ABCA6: variants seen among roughly 807,000 people sequenced by gnomAD.
ABCA6 encodes the protein ATP binding cassette subfamily A member 6, also known as ATP-binding cassette sub-family A member 6.
Under a neutral mutation model 191.2 loss-of-function variants are expected in ABCA6, and 164 were observed. That is an observed-to-expected ratio of 0.86 (90% CI 0.76 to 0.98). ABCA6 has a LOEUF of 0.98. Ranked by LOEUF, ABCA6 falls within the 50% of genes least tolerant of loss-of-function variation. The pLI is 0.00. For missense variants in ABCA6, 1,958 were observed against 1,894.1 expected (o/e 1.03, Z -0.63); for synonymous variants, 636 against 647.7 (o/e 0.98, Z 0.27).
intron 23 of ABCA6, among the ~76,000 whole-genome samples, chr17:69,097,124 G>C (rs1190661051): frequency 6.6e-6 from 1 of 152,222 alleles, no homozygotes; most frequent in African/African-American, 2.4e-5. Context: ...CCAGCATGGT[G>C]GCTCACGCCT....
intron 11 of ABCA6, 110 bp downstream of exon 11, chr17:69,117,787 CT>C: frequency 2.8e-6 from 2 of 724,900 alleles, no homozygotes; most frequent in Non-Finnish European, 4.6e-6. Context: ...TATTTATATT[CT>C]TTTTTCTTTT....
intron 6 of ABCA6, 86 bp downstream of exon 6, chr17:69,133,555 C>A: frequency 1.9e-6 from 2 of 1,029,818 alleles, no homozygotes; most frequent in South Asian, 1.7e-5. Context: ...CAAGTTTAAA[C>A]CATGATGCTC....
chr17:69,115,008 G>T (rs1264696927), intron 12 of ABCA6, 71 bp from the exon 13 acceptor site: 3 of 1,167,056 alleles, frequency 2.6e-6, no homozygotes, highest in Non-Finnish European at 3.6e-6. Flanking sequence ...TCTCATTTAA[G>T]AAAATATTGG....
intron 10 of ABCA6, among the ~76,000 whole-genome samples, chr17:69,122,848 A>G (rs1049997469): frequency 1.3e-5 from 2 of 151,998 alleles, no homozygotes; most frequent in Non-Finnish European, 2.9e-5. Context: ...GTTCAAAGTG[A>G]CATTGACAAA....
intron 25 of ABCA6, 152 bp downstream of exon 25, chr17:69,096,088 A>T (rs2073038798): frequency 8.9e-6 from 3 of 338,218 alleles, no homozygotes; most frequent in Admixed American, 4.9e-5. Flanking sequence ...TTATTGATTC[A>T]GTAACAGTGT....
At chr17:69,140,004 G>A (rs1267363600) in intron 2 of ABCA6, among the ~76,000 whole-genome samples, 1 of 150,838 alleles carries the variant, frequency 6.6e-6, no homozygotes, top group Non-Finnish European at 1.5e-5. Flanking sequence ...GCTAAATGGC[G>A]AGTTAATGGG....
In ABCA6 at chr17:69,113,226, C is replaced by T; in HGVS notation, c.2037G>A (p.Leu679=). The T allele has an allele frequency of 6.2e-7, 1 of 1,601,198 alleles. No homozygotes were observed. The highest frequency in any genetic ancestry group is 8.5e-7 in the Non-Finnish European group (1 of 1,175,862). ...TGAGATAAAACCAACAATTACCAGC[C>T]AGGATGTCAGCCTCATCCATGGACT... ...STQSMDEADI[L]ADRKVIMSNG... The change falls in exon 15 of 39, where the codon CTG becomes CTA. Residue 679 remains leucine, a synonymous_variant. Transcript: ENST00000284425.
intron 6 of ABCA6, among the ~76,000 whole-genome samples, chr17:69,133,353 C>A (rs2073896992): frequency 6.6e-6 from 1 of 152,190 alleles, no homozygotes; most frequent in Non-Finnish European, 1.5e-5. Context: ...TCACATTGGG[C>A]AATTCTCTTA....
chr17:69,114,448 A>T (rs1598037412), intron 13 of ABCA6, among the ~76,000 whole-genome samples: 1 of 151,770 alleles, frequency 6.6e-6, no homozygotes, highest in Non-Finnish European at 1.5e-5. Context: ...TAGCATTAGG[A>T]GATATACCTA....
chr17:69,121,272 T>C (rs1379416251), intron 10 of ABCA6, among the ~76,000 whole-genome samples: 1 of 152,072 alleles, frequency 6.6e-6, no homozygotes, highest in Non-Finnish European at 1.5e-5. Flanking sequence ...AAACTGCATA[T>C]ACTGTTGGAT....
At chr17:69,141,570 T>C (rs1568041549) in intron 1 of ABCA6, among the ~76,000 whole-genome samples, 175 bp downstream of exon 1, 1 of 151,710 alleles carries the variant, frequency 6.6e-6, no homozygotes, top group Non-Finnish European at 1.5e-5. Context: ...CATTTTTCTA[T>C]GTCTTACTGT....
intron 13 of ABCA6, among the ~76,000 whole-genome samples, chr17:69,114,127 T>G (rs996234334): frequency 6.6e-6 from 1 of 152,096 alleles, no homozygotes; most frequent in Non-Finnish European, 1.5e-5. Flanking sequence ...ATGTTTATTG[T>G]GGCACTATTC....
intron 8 of ABCA6, among the ~76,000 whole-genome samples, chr17:69,126,379 A>T (rs944552168): frequency 4.6e-5 from 7 of 152,252 alleles, no homozygotes; most frequent in Admixed American, 2.0e-4. Flanking sequence ...AAGTGCATGG[A>T]TCACACCTGT....
chr17:69,089,596 G>T, intron 26 of ABCA6, 54 bp from the exon 27 acceptor site: 1 of 1,381,612 alleles, frequency 7.2e-7, no homozygotes, highest in Non-Finnish European at 1.0e-6. Flanking sequence ...TCTGCTTTAT[G>T]ATTTGCACTT....
At chr17:69,088,785 C>T (rs1005111867) in intron 27 of ABCA6, among the ~76,000 whole-genome samples, 8 of 152,162 alleles carry the variant, frequency 5.3e-5, no homozygotes, top group Admixed American at 4.6e-4. Flanking sequence ...CCTGACCTCT[C>T]GCTTTATCCC....
rs148876968 is a variant in ABCA6 at position 69,113,875 on chromosome 17, C to T, written c.1783-138G>A. The T allele has an allele frequency of 5.0e-4, 308 of 618,442 alleles. 3 individuals carry two copies. The African/African-American group carries it at 5.4e-3, about 11-fold the overall frequency. 38.3% of individuals were successfully genotyped at this position (618,442 alleles called of 1,614,324 possible). ...AAAACCACAATGAGATATCACCTCA[C>T]ACCAGTTAGTATGGCGATCATTAAA... On this transcript the variant is annotated intron_variant, in intron 13 of 38. Transcript: ENST00000284425.
intron 33 of ABCA6, 32 bp from the exon 34 acceptor site, chr17:69,084,387 C>T (rs1481178150): frequency 3.1e-6 from 5 of 1,614,020 alleles, no homozygotes; most frequent in Non-Finnish European, 4.2e-6. Context: ...CTGTTTGCTG[C>T]CATACCACAC....
In ABCA6 at chr17:69,113,352, A is replaced by T; in HGVS notation, c.1911T>A (p.Leu637=). 1 of 1,591,934 alleles carries T rather than the reference A, an allele frequency of 6.3e-7. No individual in the cohort carries two copies. Among genetic ancestry groups the T allele is most frequent in the South Asian group, 1.2e-5 (1 of 86,716 alleles). The change falls in exon 15 of 39, where the codon CTT becomes CTA. Residue 637 remains leucine (L), a synonymous_variant. Coordinates refer to ENST00000284425, the MANE Select transcript of ABCA6 (RefSeq NM_080284.3). The stretch of plus-strand genomic sequence containing the variant: ...CCAATCCAGTAGTTGGTTCATCTAA[A>T]AGCAAAATCTACAGAGAATGAAGAT... The part of the protein sequence containing the change: ...ITILGDPQIL[L]LDEPTTGLDP...
Position 69,136,227 on chromosome 17 carries a change from T to G in ABCA6, c.325A>C (p.Asn109His), listed in dbSNP as rs1191587511. 6.3e-7 allele frequency: 1 copy of G among 1,579,918 alleles called. No homozygotes were observed. Among genetic ancestry groups the G allele is most frequent in the Non-Finnish European group, 8.6e-7 (1 of 1,163,270 alleles). ...AGTATTTCGTCCATGTGTGTTTTAT[T>G]TGGTGCCCCAATGACACTTGTTCCT... ...LKGTSVIGAP[N>H]KTHMDEILLE... The change falls in exon 4 of 39, where the codon AAT becomes CAT. Residue 109 changes from asparagine to histidine, a missense_variant. Coordinates refer to ENST00000284425, the MANE Select transcript of ABCA6 (RefSeq NM_080284.3).
Sources: allele counts gnomAD v4.1 joint callset (sites outside exome capture counted in the v4.1 genomes callset), GRCh38; gene constraint gnomAD v4.1.1; transcripts MANE v1.5; gene names NCBI Gene and HGNC (gene_info 2026-07-23, HGNC 2026-07-21).